Variants in ACOT11 observed in about 807,000 individuals in gnomAD.
The protein encoded by ACOT11 is acyl-coenzyme A thioesterase 11.
ACOT11 carries 69 observed loss-of-function variants against 77.5 expected under a neutral mutation model. The observed-to-expected ratio is 0.89, with a 90% CI of 0.73 to 1.09. The LOEUF (loss-of-function observed/expected upper bound fraction) is 1.09. Among genes scored for constraint, ACOT11 ranks in the 50% least tolerant of loss-of-function variants. The pLI is 0.00. For synonymous variants in ACOT11, 279 were observed against 313.0 expected, an observed-to-expected ratio of 0.89 and a Z score of 1.15; for missense variants, 766 against 813.7, an observed-to-expected ratio of 0.94 and a Z score of 0.71.
intron 1 of ACOT11, among the ~76,000 whole-genome samples, chr1:54,580,003 A>G (rs12059231): frequency 0.02 from 3,015 of 152,272 alleles, 90 homozygotes; most frequent in African/African-American, 0.069. Flanking sequence ...TAAGCACTCA[A>G]TACATGTTAG....
At position 54,609,130 on chromosome 1, in the gene ACOT11, A is replaced by T. The variant is rs770760522; in HGVS notation, c.*18A>T. On this transcript the variant is annotated 3_prime_UTR_variant, in exon 16 of 16. Transcript: ENST00000343744. ...CCCTCTAGATGCCCTCAGTGGCCAC[A>T]TCATGCCCACTCCCACTCCATCCTG... is the stretch of plus-strand genomic sequence containing the variant. 3.1e-6 allele frequency: 5 copies of T among 1,613,788 alleles called. No individual in the cohort carries two copies. The African/African-American group carries it at 6.7e-5, about 22-fold the overall frequency.
intron 1 of ACOT11, among the ~76,000 whole-genome samples, chr1:54,566,267 A>G (rs1315592135): frequency 1.3e-5 from 2 of 152,026 alleles, no homozygotes; most frequent in African/African-American, 4.8e-5. Context: ...GAGCAGCCTG[A>G]CCAACATGGT....
chr1:54,630,827 G>C (rs759002511), exon 16 of ACOT11: 15 of 768,956 alleles, frequency 2.0e-5, no homozygotes, highest in Middle Eastern at 5.6e-4. Context: ...TCGCAGGAGC[G>C]ACGGTTGGAA....
chr1:54,555,681 TTTC>T (rs1653233762), intron 1 of ACOT11, among the ~76,000 whole-genome samples: 1 of 152,152 alleles, frequency 6.6e-6, no homozygotes. Context: ...TCCCTTATGT[TTTC>T]TTCTAGTAAT....
At chr1:54,597,548 G>C in intron 7 of ACOT11, 133 bp downstream of exon 7, 1 of 1,194,542 alleles carries the variant, frequency 8.4e-7, no homozygotes, top group Admixed American at 2.9e-5. Flanking sequence ...TTCTGAATCA[G>C]AGAAATGAAT....
chr1:54,604,548 G>T (rs1052270367), intron 12 of ACOT11, 119 bp downstream of exon 12: 24 of 968,390 alleles, frequency 2.5e-5, no homozygotes, highest in African/African-American at 4.9e-5. Context: ...AAAGAATTGG[G>T]TGAGATCAAG....
chr1:54,633,299 C>CATTT (rs1163306195), intron 16 of ACOT11, among the ~76,000 whole-genome samples: 1 of 152,164 alleles, frequency 6.6e-6, no homozygotes, highest in Admixed American at 6.6e-5. Context: ...ATAACTCCAA[C>CATTT]ATTTTCTCCT....
chr1:54,587,182 A>G (rs1315718792), intron 3 of ACOT11, among the ~76,000 whole-genome samples: 1 of 152,148 alleles, frequency 6.6e-6, no homozygotes, highest in African/African-American at 2.4e-5. Context: ...AGGCAGATGT[A>G]GGAACGTCAT....
chr1:54,620,088 C>T, intron 15 of ACOT11: 8 of 1,470,468 alleles, frequency 5.4e-6, no homozygotes, highest in Non-Finnish European at 7.4e-6. Context: ...ATGACCCTCC[C>T]TGGGCTCCCA....
Position 54,607,918 on chromosome 1 carries a change from C to T in ACOT11, c.1503-24C>T. 6.2e-7 allele frequency: 1 copy of T among 1,613,494 alleles called. No individual in the cohort carries two copies. The highest frequency in any genetic ancestry group is 1.1e-5 in the South Asian group (1 of 91,060). ...TTTCTTCTGTGGCTGACCCCTGTCC[C>T]CTTGCTACCCTTCCTTCACTCAGGG... On this transcript the variant is annotated intron_variant, in intron 14 of 15. Transcript: ENST00000343744. The surrounding 1 kb of genome is among the most constrained non-coding windows in gnomAD (Gnocchi z 4.5).
intron 15 of ACOT11, among the ~76,000 whole-genome samples, chr1:54,615,644 T>G (rs1488742317): frequency 6.6e-6 from 1 of 151,642 alleles, no homozygotes; most frequent in Non-Finnish European, 1.5e-5. Flanking sequence ...GGCATTATGG[T>G]GACGCCTGGA....
At chr1:54,588,661 C>T (rs944785833) in intron 3 of ACOT11, among the ~76,000 whole-genome samples, 1 of 152,148 alleles carries the variant, frequency 6.6e-6, no homozygotes, top group South Asian at 2.1e-4. Flanking sequence ...TATAGTGATA[C>T]TTTGAAGCCA....
intron 1 of ACOT11, among the ~76,000 whole-genome samples, chr1:54,574,562 G>C (rs963936417): frequency 1.3e-5 from 2 of 152,200 alleles, no homozygotes; most frequent in Non-Finnish European, 2.9e-5. Context: ...AATCTACAAA[G>C]TATTTGGGAT....
chr1:54,634,862 C>A (rs1370529698), exon 17 of ACOT11: 2 of 594,988 alleles, frequency 3.4e-6, no homozygotes, highest in Non-Finnish European at 6.0e-6. Flanking sequence ...AACACAGCCA[C>A]CCCGCTAAGA....
Position 54,610,159 on chromosome 1 carries a change from ACTCAGC to A in ACOT11, c.*1050_*1055del, listed in dbSNP as rs1644100581. 104 of 1,432,606 alleles carry A rather than the reference ACTCAGC, an allele frequency of 7.3e-5. No homozygotes were observed. Among genetic ancestry groups the A allele is most frequent in the Non-Finnish European group, 9.1e-5 (100 of 1,099,170 alleles). 88.7% of individuals were successfully genotyped at this position (1,432,606 alleles called of 1,614,324 possible). A position where few individuals can be genotyped will look rare whatever the true frequency, so the allele number is the denominator to read the frequency against. ...TTTCAGCTCTTGGCCTTTACCCATG[ACTCAGC>A]CTGGGGGCTGGTGCCGGCCTTGCCT... On this transcript the variant is annotated 3_prime_UTR_variant, in exon 16 of 16. Coordinates refer to ENST00000343744, the MANE Select transcript of ACOT11 (RefSeq NM_147161.4).
Position 54,607,347 on chromosome 1 carries a change from A to G in ACOT11, c.1502+82A>G. The G allele has an allele frequency of 1.3e-6, 2 of 1,583,722 alleles. No individual in the cohort carries two copies. Among genetic ancestry groups the G allele is most frequent in the South Asian group, 1.1e-5 (1 of 88,038 alleles). On this transcript the variant is annotated intron_variant, in intron 14 of 15. Transcript: ENST00000343744. This position sits in a 1 kb window ranked among gnomAD's most constrained non-coding sequence, Gnocchi z 4.5. ...CCGCTTCTCCCTCCCAGGGAAGGGCATCAGCCTGGAGCCAGAGCTCTGCTT... is the reference window on the plus strand; with the variant it reads ...CCGCTTCTCCCTCCCAGGGAAGGGCGTCAGCCTGGAGCCAGAGCTCTGCTT...
chr1:54,623,198 C>T, intron 15 of ACOT11: 1 of 918,034 alleles, frequency 1.1e-6, no homozygotes, highest in Admixed American at 2.0e-5. Context: ...AGGGACTGGT[C>T]AGAGCTGTAA....
intron 1 of ACOT11, among the ~76,000 whole-genome samples, chr1:54,557,616 A>G (rs1342093624): frequency 6.6e-6 from 1 of 151,600 alleles, no homozygotes; most frequent in Non-Finnish European, 1.5e-5. Context: ...CAGGTATTTT[A>G]TTTTATTTTA....
chr1:54,572,695 G>C (rs891810114), intron 1 of ACOT11, among the ~76,000 whole-genome samples: 2 of 152,200 alleles, frequency 1.3e-5, no homozygotes, highest in South Asian at 4.1e-4. Context: ...GTGGCAAATA[G>C]CCCCAAGGGA....
Sources: allele counts gnomAD v4.1 joint callset (sites outside exome capture counted in the v4.1 genomes callset), GRCh38; gene constraint gnomAD v4.1.1; non-coding constraint Gnocchi (gnomAD v3.1); transcripts MANE v1.5; gene names NCBI Gene and HGNC (gene_info 2026-07-23, HGNC 2026-07-21).